The following SPMIP6 variants were observed in gnomAD, a reference collection of about 807,000 sequenced individuals.
SPMIP6 encodes sperm microtubule inner protein 6, also known as ciliated bronchial epithelial protein 1.
the SPMIP6 span, among the ~76,000 whole-genome samples, chr9:34,396,931 TCA>T: frequency 6.6e-6 from 1 of 152,050 alleles, no homozygotes; most frequent in Admixed American, 6.5e-5. Context: ...TTAGGCAGAG[TCA>T]CAGTTAGACT....
At chr9:34,397,332 A>G in the SPMIP6 span, among the ~76,000 whole-genome samples, 2 of 152,208 alleles carry the variant, frequency 1.3e-5, no homozygotes, top group Non-Finnish European at 2.9e-5. Context: ...TAATTCCATG[A>G]AGGCAGGATT....
At chr9:34,383,329 G>A in the SPMIP6 span, among the ~76,000 whole-genome samples, 1 of 152,214 alleles carries the variant, frequency 6.6e-6, no homozygotes, top group South Asian at 2.1e-4. Context: ...TTCGAGACCA[G>A]CCTGGCCAAC....
chr9:34,380,411 G>T, the SPMIP6 span, among the ~76,000 whole-genome samples: 5 of 152,166 alleles, frequency 3.3e-5, no homozygotes, highest in African/African-American at 1.2e-4. Context: ...GGCTCACGTA[G>T]CCCCCAGGAA....
the SPMIP6 span, chr9:34,381,032 C>T: frequency 6.2e-7 from 1 of 1,611,610 alleles, no homozygotes; most frequent in Non-Finnish European, 8.5e-7. The surrounding 1 kb of genome is among the most constrained non-coding windows in gnomAD (Gnocchi z 4.4). Context: ...GAAGGGCAGG[C>T]GGCCGGGCAG....
the SPMIP6 span, among the ~76,000 whole-genome samples, chr9:34,393,811 T>G: frequency 6.6e-6 from 1 of 152,216 alleles, no homozygotes; most frequent in Non-Finnish European, 1.5e-5. Context: ...TTTTTCAGTC[T>G]ATTTTTCATT....
chr9:34,396,668 CCTGA>C, the SPMIP6 span, among the ~76,000 whole-genome samples: 2 of 152,122 alleles, frequency 1.3e-5, no homozygotes, highest in East Asian at 1.9e-4. Flanking sequence ...TGCCTTTTCT[CCTGA>C]CTGTCTTCTG....
the SPMIP6 span, among the ~76,000 whole-genome samples, chr9:34,388,313 T>TA: frequency 6.6e-6 from 1 of 150,724 alleles, no homozygotes; most frequent in Admixed American, 6.6e-5. Context: ...GCTAATTTTT[T>TA]TTTTTTTTTT....
At chr9:34,390,173 G>A in the SPMIP6 span, 5 of 151,550 alleles carry the variant, frequency 3.3e-5, no homozygotes, top group African/African-American at 1.2e-4. Flanking sequence ...AGGACCTCCA[G>A]TGCAATGCTG....
the SPMIP6 span, among the ~76,000 whole-genome samples, chr9:34,387,828 A>G: frequency 6.6e-6 from 1 of 152,168 alleles, no homozygotes; most frequent in Admixed American, 6.5e-5. Context: ...ATATTTTGCA[A>G]ACTCTAATGT....
chr9:34,383,338 A>G, the SPMIP6 span, among the ~76,000 whole-genome samples: 11 of 152,256 alleles, frequency 7.2e-5, no homozygotes, highest in African/African-American at 2.4e-4. Flanking sequence ...AGCCTGGCCA[A>G]CATGGCAAAA....
chr9:34,383,020 TAC>T, the SPMIP6 span: 1 of 640,884 alleles, frequency 1.6e-6, no homozygotes, highest in Non-Finnish European at 2.8e-6. Flanking sequence ...CAGCCGGGCC[TAC>T]ACTTGTCTTA....
the SPMIP6 span, among the ~76,000 whole-genome samples, chr9:34,380,465 GGAC>G: frequency 6.6e-6 from 1 of 152,232 alleles, no homozygotes; most frequent in Non-Finnish European, 1.5e-5. Context: ...CAGCAAGAGA[GGAC>G]ATTTTTCTGA....
the SPMIP6 span, among the ~76,000 whole-genome samples, chr9:34,393,646 C>G: frequency 6.6e-6 from 1 of 151,894 alleles, no homozygotes; most frequent in Non-Finnish European, 1.5e-5. Context: ...AATTCTGAGC[C>G]TTTTTCTTTT....
the SPMIP6 span, among the ~76,000 whole-genome samples, chr9:34,387,840 A>G: frequency 6.6e-6 from 1 of 152,164 alleles, no homozygotes; most frequent in Non-Finnish European, 1.5e-5. Context: ...CTCTAATGTC[A>G]ATATCTGTAG....
the SPMIP6 span, among the ~76,000 whole-genome samples, chr9:34,395,804 C>A: frequency 3.9e-5 from 6 of 152,214 alleles, no homozygotes; most frequent in African/African-American, 1.2e-4. Context: ...ACTCAAGGGT[C>A]ACCCTAATCT....
chr9:34,382,643 G>A, the SPMIP6 span: 2 of 763,030 alleles, frequency 2.6e-6, no homozygotes, highest in South Asian at 2.8e-5. Flanking sequence ...TGGGGCATTT[G>A]TTGGGAAAGC....
At chr9:34,383,448 A>G in the SPMIP6 span, among the ~76,000 whole-genome samples, 1 of 152,198 alleles carries the variant, frequency 6.6e-6, no homozygotes, top group South Asian at 2.1e-4. Context: ...AGCTCAAACC[A>G]GGGAGGCAGA....
the SPMIP6 span, chr9:34,379,203 C>A: frequency 7.0e-7 from 1 of 1,434,996 alleles, no homozygotes; most frequent in Non-Finnish European, 9.8e-7. This position sits in a 1 kb window ranked among gnomAD's most constrained non-coding sequence, Gnocchi z 4.2. Context: ...GATGGGTCAG[C>A]CGTTTTGGAT....
the SPMIP6 span, among the ~76,000 whole-genome samples, chr9:34,385,089 G>C: frequency 2.0e-5 from 3 of 152,050 alleles, no homozygotes; most frequent in Non-Finnish European, 2.9e-5. Context: ...GGGACCCAGG[G>C]CCCTTCCAGG....
Sources: gnomAD v4.1 joint callset for allele counts (sites outside exome capture counted in the v4.1 genomes callset) on GRCh38, gnomAD v4.1.1 for gene constraint, Gnocchi (gnomAD v3.1) non-coding constraint, MANE v1.5 for transcripts, NCBI Gene and HGNC (gene_info 2026-07-23, HGNC 2026-07-21) for gene names.